Variants in ULK4 observed in about 807,000 individuals in gnomAD.
ULK4 encodes unc-51 like kinase 4.
Under a neutral mutation model 160.6 loss-of-function variants are expected in ULK4, and 133 were observed. The ratio of observed to expected loss-of-function variants is 0.83; its 90% confidence interval spans 0.72 to 0.96. ULK4 has a LOEUF of 0.96. ULK4 is among the 40% of genes least tolerant of loss of function. The pLI, the probability that ULK4 is intolerant of heterozygous loss-of-function variation, is 0.00. For synonymous variants in ULK4, 534 were observed against 539.8 expected (o/e 0.99, Z 0.15); for missense variants, 1,580 against 1,499.5 (o/e 1.05, Z -0.89).
At chr3:41,765,821 C>T (rs568495782) in intron 21 of ULK4, among the ~76,000 whole-genome samples, 4 of 152,206 alleles carry the variant, frequency 2.6e-5, no homozygotes, top group African/African-American at 9.6e-5. Flanking sequence ...TCATAAATAA[C>T]ATTTATCAAT....
chr3:41,273,349 T>C (rs1040339614), intron 35 of ULK4, among the ~76,000 whole-genome samples: 1 of 152,210 alleles, frequency 6.6e-6, no homozygotes, highest in Non-Finnish European at 1.5e-5. Flanking sequence ...TAAGGTTTTC[T>C]AGTTTGCCTG....
chr3:41,454,647 C>T (rs1257358617), intron 34 of ULK4, among the ~76,000 whole-genome samples: 1 of 151,532 alleles, frequency 6.6e-6, no homozygotes, highest in African/African-American at 2.4e-5. Flanking sequence ...TTTTAAAAGA[C>T]TGGGACGTTT....
rs12497302 is a variant in ULK4 at position 41,523,937 on chromosome 3, T to A, written c.3226+42088A>T. ...AGTATATCCATATAATAAAAAAAAA[T>A]TATGCAATCAAATGAAATGAAGTAC... is the stretch of plus-strand genomic sequence containing the variant. On this transcript the variant is annotated intron_variant, in intron 32 of 36. Coordinates refer to ENST00000301831, the MANE Select transcript of ULK4 (RefSeq NM_017886.4). Among the ~76,000 whole-genome samples, 1,048 of 152,176 alleles carry A rather than the reference T, an allele frequency of 6.9e-3. 23 individuals are homozygous for A. In the East Asian group the frequency reaches 0.085, roughly 12 times the overall value.
chr3:41,252,573 A>G (rs2078762264), intron 35 of ULK4, among the ~76,000 whole-genome samples: 1 of 151,348 alleles, frequency 6.6e-6, no homozygotes, highest in Non-Finnish European at 1.5e-5. Flanking sequence ...AAGAAGATAG[A>G]TCAATAGAAA....
At chr3:41,528,863 C>CA (rs1319324803) in intron 32 of ULK4, among the ~76,000 whole-genome samples, 1 of 151,958 alleles carries the variant, frequency 6.6e-6, no homozygotes, top group Non-Finnish European at 1.5e-5. Flanking sequence ...CATATCCTTA[C>CA]ATAACTATTA....
intron 32 of ULK4, among the ~76,000 whole-genome samples, chr3:41,547,915 C>G (rs1002534505): frequency 6.6e-6 from 1 of 152,186 alleles, no homozygotes; most frequent in Non-Finnish European, 1.5e-5. Context: ...CCAAAACATG[C>G]ACTCCTCAGA....
chr3:41,491,378 C>A (rs1495700), intron 32 of ULK4, among the ~76,000 whole-genome samples: 131,119 of 152,070 alleles, frequency 0.86, 57,347 homozygotes, highest in Non-Finnish European at 0.94. Context: ...CTAGAAGCAA[C>A]AATGACCACG....
chr3:41,686,886 A>G (rs2036118245), intron 27 of ULK4, among the ~76,000 whole-genome samples: 1 of 152,230 alleles, frequency 6.6e-6, no homozygotes, highest in Admixed American at 6.5e-5. Flanking sequence ...AGTTTTCTAA[A>G]GAACTGTATG....
intron 35 of ULK4, among the ~76,000 whole-genome samples, chr3:41,305,377 C>T (rs998956932): frequency 7.2e-5 from 11 of 152,192 alleles, no homozygotes; most frequent in African/African-American, 1.4e-4. Flanking sequence ...ATTGCAGGCT[C>T]GAGCCGCCAC....
At chr3:41,481,887 G>A (rs1278674001) in intron 32 of ULK4, among the ~76,000 whole-genome samples, 1 of 148,256 alleles carries the variant, frequency 6.7e-6, no homozygotes, top group Non-Finnish European at 1.5e-5. Flanking sequence ...AGATAATATT[G>A]ATTTTTGCAA....
At chr3:41,788,480 C>G (rs372780885) in intron 21 of ULK4, among the ~76,000 whole-genome samples, 3 of 152,036 alleles carry the variant, frequency 2.0e-5, no homozygotes, top group African/African-American at 7.2e-5. Flanking sequence ...TTCAGGAGAT[C>G]GAGACCATCC....
intron 32 of ULK4, among the ~76,000 whole-genome samples, chr3:41,479,173 TTTAGAGCCC>T (rs2084234156): frequency 6.6e-6 from 1 of 152,198 alleles, no homozygotes; most frequent in South Asian, 2.1e-4. Context: ...GAGAACAACC[TTTAGAGCCC>T]TACACCTCAG....
chr3:41,807,905 C>T (rs2040698179), intron 19 of ULK4, among the ~76,000 whole-genome samples: 1 of 152,154 alleles, frequency 6.6e-6, no homozygotes, highest in Admixed American at 6.5e-5. Context: ...AATGTGACAT[C>T]CATTTGACAA....
intron 5 of ULK4, among the ~76,000 whole-genome samples, chr3:41,925,754 G>A (rs1227739686): frequency 6.6e-6 from 1 of 152,016 alleles, no homozygotes; most frequent in East Asian, 1.9e-4. Flanking sequence ...TTGAGTAGGC[G>A]GTTTTACCCT....
intron 35 of ULK4, among the ~76,000 whole-genome samples, chr3:41,262,054 G>A (rs926282759): frequency 3.9e-5 from 6 of 152,272 alleles, no homozygotes; most frequent in Admixed American, 3.3e-4. Context: ...GCCCAGATTG[G>A]GCAGCTCTCT....
intron 35 of ULK4, among the ~76,000 whole-genome samples, chr3:41,393,013 T>C (rs1162360904): frequency 6.6e-6 from 1 of 152,138 alleles, no homozygotes; most frequent in East Asian, 1.9e-4. Flanking sequence ...TTCAGAAACT[T>C]GGCAGGGCTG....
At chr3:41,873,056 G>A (rs1290772619) in intron 17 of ULK4, among the ~76,000 whole-genome samples, 8 of 152,120 alleles carry the variant, frequency 5.3e-5, no homozygotes, top group Admixed American at 5.2e-4. Context: ...GGGAGGCTGA[G>A]GTAGAGAATT....
chr3:41,509,177 G>A (rs1294867575), intron 32 of ULK4, among the ~76,000 whole-genome samples: 1 of 152,002 alleles, frequency 6.6e-6, no homozygotes, highest in East Asian at 1.9e-4. Flanking sequence ...AATGCAAAAT[G>A]CACTGGAAAG....
At chr3:41,793,936 C>CT (rs768552572) in intron 20 of ULK4, among the ~76,000 whole-genome samples, 4 of 152,170 alleles carry the variant, frequency 2.6e-5, no homozygotes, top group African/African-American at 4.8e-5. Context: ...ATTTTAAGAG[C>CT]TGCAAGGACT....
Sources: gnomAD v4.1 joint callset for allele counts (sites outside exome capture counted in the v4.1 genomes callset) on GRCh38, gnomAD v4.1.1 for gene constraint, MANE v1.5 for transcripts, NCBI Gene and HGNC (gene_info 2026-07-23, HGNC 2026-07-21) for gene names.